Variants in POTEE observed in about 807,000 individuals in gnomAD.
POTEE encodes the protein ANKRD26-like family C member 1A.
POTEE carries 21 observed loss-of-function variants against 74.2 expected under a neutral mutation model. The ratio of observed to expected loss-of-function variants is 0.28; its 90% CI spans 0.20 to 0.41. POTEE has a LOEUF of 0.41. POTEE is among the 10% of genes least tolerant of loss of function. POTEE has a pLI of 1.00. For missense variants in POTEE, 525 were observed against 1,158.6 expected (o/e 0.45, Z 7.94); for synonymous variants, 211 against 432.8 (o/e 0.49, Z 6.36).
intron 2 of POTEE, among the ~76,000 whole-genome samples, chr2:131,212,149 G>T (rs2105057230): frequency 6.6e-6 from 1 of 151,484 alleles, no homozygotes; most frequent in South Asian, 2.1e-4. Context: ...TAAAATAACT[G>T]GTCCTTTACT....
intron 2 of POTEE, among the ~76,000 whole-genome samples, chr2:131,213,292 G>C (rs1265649117): frequency 6.6e-6 from 1 of 151,572 alleles, no homozygotes; most frequent in African/African-American, 2.4e-5. Flanking sequence ...AGAACCTGCA[G>C]TGTCGAGCCC....
At chr2:131,215,995 A>C (rs1331428836) in intron 2 of POTEE, among the ~76,000 whole-genome samples, 1 of 151,996 alleles carries the variant, frequency 6.6e-6, no homozygotes, top group Non-Finnish European at 1.5e-5. Context: ...CACTATATTC[A>C]ATAAAGTTGA....
At chr2:131,257,000 A>C (rs1329219538) in intron 16 of POTEE, among the ~76,000 whole-genome samples, 2 of 150,522 alleles carry the variant, frequency 1.3e-5, no homozygotes, top group Non-Finnish European at 3.0e-5. Context: ...CTCTGTTAAC[A>C]TCATCATTTT....
At chr2:131,233,079 A>G (rs1363740073) in intron 9 of POTEE, among the ~76,000 whole-genome samples, 1 of 152,106 alleles carries the variant, frequency 6.6e-6, no homozygotes, top group African/African-American at 2.4e-5. Flanking sequence ...TCTTCAAGAA[A>G]GAATAAGGAA....
At chr2:131,215,127 A>G (rs1175050579) in intron 2 of POTEE, among the ~76,000 whole-genome samples, 1 of 151,528 alleles carries the variant, frequency 6.6e-6, no homozygotes, top group African/African-American at 2.4e-5. Flanking sequence ...CAATATATTT[A>G]GCAAATGTAG....
chr2:131,264,004 G>A lies in POTEE; in HGVS notation c.2549G>A (p.Gly850Asp), dbSNP rs367846477. ...CTGTACACCTCTGGCCGTACTACTG[G>A]CATCGTGATGGACTCTGGTGACGGG... The part of the protein sequence containing the change: ...PSLYTSGRTT[G>D]IVMDSGDGVT... The change falls in exon 18 of 18, where the codon GGC (glycine) becomes GAC (aspartate). Residue 850 changes from glycine to aspartate, a missense_variant. Coordinates refer to ENST00000683005, the MANE Select transcript of POTEE (RefSeq NM_001083538.3). 1.9e-6 allele frequency: 3 copies of A among 1,614,192 alleles called. No homozygotes were observed. The highest frequency in any genetic ancestry group is 2.5e-6 in the Non-Finnish European group (3 of 1,180,040).
Position 131,223,451 on chromosome 2 carries a change from A to G in POTEE, c.522-145A>G, listed in dbSNP as rs1700685696. ...CAGCGAGCAATGAGAGATAATAAAT[A>G]GTGTGCTTTTTTCATGGGAAAGTTA... On this transcript the variant is annotated intron_variant, in intron 4 of 17. Transcript: ENST00000683005. The G allele has an allele frequency of 4.4e-6, 4 of 910,688 alleles. No homozygotes were observed. The Admixed American group carries it at 1.1e-4, about 26-fold the overall frequency. The allele number at this position is 910,688 out of a possible 1,614,324, so 56.4% of individuals were successfully genotyped here.
intron 7 of POTEE, among the ~76,000 whole-genome samples, chr2:131,227,427 T>C (rs1199125477): frequency 2.1e-5 from 3 of 144,656 alleles, no homozygotes; most frequent in African/African-American, 5.5e-5. Flanking sequence ...TGACAATTAA[T>C]TGCTGTTCCC....
intron 16 of POTEE, among the ~76,000 whole-genome samples, chr2:131,260,275 C>T (rs1302294951): frequency 6.7e-6 from 1 of 149,700 alleles, no homozygotes; most frequent in Non-Finnish European, 1.5e-5. Context: ...GTTCCTTTTG[C>T]TTGATATGTC....
In POTEE at chr2:131,264,915, C is replaced by G. The variant is rs1573748101; in HGVS notation, c.*232C>G. On this transcript the variant is annotated 3_prime_UTR_variant, in exon 18 of 18. Coordinates refer to ENST00000683005, the MANE Select transcript of POTEE (RefSeq NM_001083538.3). Reference sequence around the variant, plus strand: ...CCAAGGACTTTGATTGTACATTGTTCTTCTTTTCAATAGTCATTCCAAATA... The same window carrying G: ...CCAAGGACTTTGATTGTACATTGTTGTTCTTTTCAATAGTCATTCCAAATA... 6.5e-5 allele frequency: 47 copies of G among 724,536 alleles called. No individual in the cohort carries two copies. The East Asian group carries it at 1.1e-3, about 17-fold the overall frequency. 44.9% of individuals were successfully genotyped at this position (724,536 alleles called of 1,614,324 possible). A position where few individuals can be genotyped will look rare whatever the true frequency, so the allele number is the denominator to read the frequency against.
chr2:131,221,483 C>T (rs1156926910), intron 4 of POTEE, among the ~76,000 whole-genome samples: 2 of 151,974 alleles, frequency 1.3e-5, no homozygotes, highest in Non-Finnish European at 2.9e-5. Context: ...TCTGTGATTT[C>T]TGCAATGAAC....
chr2:131,235,273 C>T (rs1026782994), intron 9 of POTEE, among the ~76,000 whole-genome samples: 1 of 151,730 alleles, frequency 6.6e-6, no homozygotes, highest in African/African-American at 2.4e-5. Context: ...TAGCAGGACT[C>T]AATAAGAAAT....
At chr2:131,221,825 A>G (rs1479876031) in intron 4 of POTEE, among the ~76,000 whole-genome samples, 1 of 152,240 alleles carries the variant, frequency 6.6e-6, no homozygotes, top group Non-Finnish European at 1.5e-5. Context: ...TACTATTGCA[A>G]ATGTATTGCA....
chr2:131,215,764 G>T (rs1700432502), intron 2 of POTEE, among the ~76,000 whole-genome samples: 1 of 136,674 alleles, frequency 7.3e-6, no homozygotes, highest in Non-Finnish European at 1.6e-5. Context: ...GAGAAAGGGA[G>T]AGTAGTGATA....
chr2:131,218,805 G>C lies in POTEE; in HGVS notation c.403G>C (p.Val135Leu). The C allele has an allele frequency of 6.2e-7, 1 of 1,612,712 alleles. No individual in the cohort carries two copies. Among genetic ancestry groups the C allele is most frequent in the East Asian group, 2.2e-5 (1 of 44,872 alleles). ...CGCCTTCATGGAGCCCAGGTACCAC[G>C]TCCGTGGAGAAGATCTGGACAAGCT... ...DSAFMEPRYH[V>L]RGEDLDKLHR... The change falls in exon 4 of 18, where the codon GTC becomes CTC. Residue 135 changes from valine (V) to leucine (L), a missense_variant. By Grantham distance (32) the Val-to-Leu change is conservative (BLOSUM62 1). Coordinates refer to ENST00000683005, the MANE Select transcript of POTEE (RefSeq NM_001083538.3).
intron 2 of POTEE, among the ~76,000 whole-genome samples, chr2:131,214,237 T>TG (rs1365434207): frequency 1.3e-5 from 2 of 152,396 alleles, no homozygotes; most frequent in Admixed American, 1.3e-4. Context: ...TGTTTTGCCT[T>TG]GCGTTGTCTG....
intron 1 of POTEE, among the ~76,000 whole-genome samples, chr2:131,210,342 G>A (rs1418148226): frequency 6.9e-6 from 1 of 145,420 alleles, no homozygotes; most frequent in African/African-American, 2.6e-5. Flanking sequence ...GTTGGGGGGG[G>A]GTATTGGGGT....
chr2:131,221,279 A>G (rs1700608931), intron 4 of POTEE, among the ~76,000 whole-genome samples: 1 of 152,166 alleles, frequency 6.6e-6, no homozygotes, highest in South Asian at 2.1e-4. Context: ...ACTAATATGT[A>G]ACTATTGAGG....
Position 131,218,270 on chromosome 2 carries a change from T to A in POTEE, c.-93-40T>A, listed in dbSNP as rs1559167578. ...CTGGGCTGGAATCCCCTGCTGGGGTTGGCAGGTTTTGGCTGGGATTGACAT... is the reference window on the plus strand; with the variant it reads ...CTGGGCTGGAATCCCCTGCTGGGGTAGGCAGGTTTTGGCTGGGATTGACAT... On this transcript the variant is annotated intron_variant, in intron 3 of 17. Transcript: ENST00000683005. The A allele has an allele frequency of 2.0e-6, 3 of 1,535,828 alleles. No individual in the cohort carries two copies. In the South Asian group the frequency reaches 3.8e-5, roughly 19 times the overall value.
Sources: gnomAD v4.1 joint callset for allele counts (sites outside exome capture counted in the v4.1 genomes callset) on GRCh38, gnomAD v4.1.1 for gene constraint, MANE v1.5 for transcripts, NCBI Gene and HGNC (gene_info 2026-07-23, HGNC 2026-07-21) for gene names.